The following MEF2A variants were observed in gnomAD, a reference collection of about 807,000 sequenced individuals.
MEF2A encodes the protein myocyte enhancer factor 2A, also known as myocyte-specific enhancer factor 2A.
Under a neutral mutation model 55.8 loss-of-function variants are expected in MEF2A, and 28 were observed. The ratio of observed to expected loss-of-function variants is 0.50; its 90% CI spans 0.37 to 0.69. MEF2A has a LOEUF of 0.69. Ranked by LOEUF, MEF2A falls within the 30% of genes least tolerant of loss-of-function variation. The pLI is 0.00. For synonymous variants in MEF2A, 239 were observed against 227.1 expected, an observed-to-expected ratio of 1.05 and a Z score of -0.47; for missense variants, 528 against 626.2, an observed-to-expected ratio of 0.84 and a Z score of 1.67.
At chr15:99,671,239 G>T (rs563011577) in intron 4 of MEF2A, 84 bp from the exon 5 acceptor site, 23 of 1,466,122 alleles carry the variant, frequency 1.6e-5, no homozygotes, top group Non-Finnish European at 2.0e-5. Context: ...AGTTCATTCC[G>T]TCTGTGCTCT....
At chr15:99,686,043 G>A (rs2054156438) in intron 7 of MEF2A, among the ~76,000 whole-genome samples, 1 of 152,004 alleles carries the variant, frequency 6.6e-6, no homozygotes. Context: ...ACCTAGGCGG[G>A]TTGTATATTT....
At chr15:99,583,444 A>G (rs975256627) in intron 1 of MEF2A, among the ~76,000 whole-genome samples, 1 of 152,088 alleles carries the variant, frequency 6.6e-6, no homozygotes, top group Non-Finnish European at 1.5e-5. Flanking sequence ...TTTGGCCATT[A>G]TGTGAAGTAC....
At chr15:99,575,250 G>T (rs1208891374) in intron 1 of MEF2A, among the ~76,000 whole-genome samples, 1 of 152,068 alleles carries the variant, frequency 6.6e-6, no homozygotes, top group African/African-American at 2.4e-5. Flanking sequence ...TTCCCATAGT[G>T]TCAATAATAT....
chr15:99,662,121 A>G (rs2048756860), intron 4 of MEF2A, among the ~76,000 whole-genome samples: 1 of 152,190 alleles, frequency 6.6e-6, no homozygotes, highest in Non-Finnish European at 1.5e-5. Flanking sequence ...AAATCCAGAT[A>G]ATTGTCATCA....
chr15:99,573,387 T>C (rs1323926103), intron 1 of MEF2A, among the ~76,000 whole-genome samples: 1 of 152,158 alleles, frequency 6.6e-6, no homozygotes, highest in African/African-American at 2.4e-5. Context: ...AAAGGTACTT[T>C]CCAAATTATA....
chr15:99,613,785 A>G (rs2039708229), intron 2 of MEF2A, among the ~76,000 whole-genome samples: 1 of 152,186 alleles, frequency 6.6e-6, no homozygotes, highest in South Asian at 2.1e-4. Context: ...CATCAGATAA[A>G]TTGCCTTTTA....
intron 2 of MEF2A, among the ~76,000 whole-genome samples, chr15:99,629,230 C>G (rs1037499675): frequency 6.6e-6 from 1 of 151,992 alleles, no homozygotes; most frequent in South Asian, 2.1e-4. Flanking sequence ...GTCAGGAGAT[C>G]GAGACCGTCC....
chr15:99,708,640 T>G (rs933280422), intron 10 of MEF2A, among the ~76,000 whole-genome samples: 6 of 152,248 alleles, frequency 3.9e-5, no homozygotes, highest in African/African-American at 1.4e-4. Context: ...CAAATATTTA[T>G]CAGGCAGCTG....
rs143712881 is a variant in MEF2A at position 99,625,449 on chromosome 15, A to G, written c.-142-7529A>G. 3.0e-3 allele frequency among the ~76,000 whole-genome samples: 454 copies of G among 152,030 alleles called. 4 individuals are homozygous for G. The highest frequency in any genetic ancestry group is 0.01 in the African/African-American group (425 of 41,488). ...CAGATATTTATACTCCTTTTTTTCT[A>G]ATTTGGATGCCTTTATTTCTTTTTC... is the stretch of plus-strand genomic sequence containing the variant. On this transcript the variant is annotated intron_variant, in intron 2 of 11. Coordinates refer to ENST00000557942, the MANE Select transcript of MEF2A (RefSeq NM_001319206.4).
chr15:99,704,811 A>G (rs1486032114), intron 9 of MEF2A, among the ~76,000 whole-genome samples: 3 of 152,220 alleles, frequency 2.0e-5, no homozygotes, highest in Non-Finnish European at 4.4e-5. Context: ...GTAGATCTCT[A>G]TCTCGAAAAG....
At chr15:99,585,425 G>T (rs1966882123) in intron 1 of MEF2A, among the ~76,000 whole-genome samples, 1 of 152,034 alleles carries the variant, frequency 6.6e-6, no homozygotes, top group African/African-American at 2.4e-5. Flanking sequence ...CTGTGAATTA[G>T]TATCTATTTA....
At chr15:99,625,044 C>T (rs1379013216) in intron 2 of MEF2A, among the ~76,000 whole-genome samples, 1 of 152,160 alleles carries the variant, frequency 6.6e-6, no homozygotes, top group African/African-American at 2.4e-5. Flanking sequence ...CTGAACTAGA[C>T]TAATGTAAGT....
chr15:99,590,242 A>T (rs1241903214), intron 1 of MEF2A, among the ~76,000 whole-genome samples: 2 of 151,900 alleles, frequency 1.3e-5, no homozygotes, highest in Admixed American at 1.3e-4. Flanking sequence ...TATGAAACGT[A>T]TTCCTTCTCC....
intron 7 of MEF2A, chr15:99,678,803 A>G (rs1308993677): frequency 1.6e-5 from 7 of 438,536 alleles, no homozygotes; most frequent in African/African-American, 4.2e-5. Context: ...TTGTGAATCA[A>G]AAGCACTGTA....
chr15:99,620,530 AT>A (rs1490664474), intron 2 of MEF2A, among the ~76,000 whole-genome samples: 3 of 152,102 alleles, frequency 2.0e-5, no homozygotes, highest in Non-Finnish European at 1.5e-5. Flanking sequence ...TGTTCTTTTT[AT>A]GACTGTGTAG....
intron 1 of MEF2A, among the ~76,000 whole-genome samples, chr15:99,589,387 C>T (rs1968496022): frequency 6.6e-6 from 1 of 152,054 alleles, no homozygotes; most frequent in Non-Finnish European, 1.5e-5. Flanking sequence ...GATGTCCTTT[C>T]TTTTATTTCT....
chr15:99,708,700 G>A (rs2153818152), intron 10 of MEF2A, among the ~76,000 whole-genome samples: 1 of 152,352 alleles, frequency 6.6e-6, no homozygotes, highest in Middle Eastern at 3.4e-3. Context: ...AGTGCAGTCA[G>A]CAGTGAAGCC....
chr15:99,658,027 C>G (rs1056191875), intron 4 of MEF2A, among the ~76,000 whole-genome samples: 2 of 152,084 alleles, frequency 1.3e-5, no homozygotes, highest in African/African-American at 4.8e-5. Context: ...AATAACCTTT[C>G]AGAACTATAG....
chr15:99,591,974 G>T (rs901415943), intron 1 of MEF2A, among the ~76,000 whole-genome samples: 5 of 152,004 alleles, frequency 3.3e-5, no homozygotes, highest in Non-Finnish European at 5.9e-5. Flanking sequence ...TGGTGGTGTG[G>T]GTCACACATT....
Sources: gnomAD v4.1 joint callset for allele counts (sites outside exome capture counted in the v4.1 genomes callset) on GRCh38, gnomAD v4.1.1 for gene constraint, MANE v1.5 for transcripts, NCBI Gene and HGNC (gene_info 2026-07-23, HGNC 2026-07-21) for gene names.